MTCH1: variants seen among roughly 807,000 people sequenced by gnomAD.
The protein encoded by MTCH1 is mitochondrial carrier homolog 1.
In MTCH1, 23 loss-of-function variants were observed where a neutral mutation model predicts 49.3. That is an observed-to-expected ratio of 0.47 (90% CI 0.34 to 0.66). The LOEUF (loss-of-function observed/expected upper bound fraction) is 0.66, where lower values mean the gene tolerates loss of function less well. Ranked by LOEUF, MTCH1 falls within the 30% of genes least tolerant of loss-of-function variation. The pLI is 0.01. For synonymous variants in MTCH1, 229 were observed against 215.2 expected, an observed-to-expected ratio of 1.06 and a Z score of -0.56; for missense variants, 397 against 532.1, an observed-to-expected ratio of 0.75 and a Z score of 2.50.
intron 8 of MTCH1, among the ~76,000 whole-genome samples, chr6:36,971,520 G>A (rs1028131259): frequency 2.6e-5 from 4 of 151,758 alleles, no homozygotes; most frequent in Non-Finnish European, 4.4e-5. Context: ...GGGCAGAACT[G>A]CAGGAATGTA....
At chr6:36,970,539 C>A in intron 9 of MTCH1, 66 bp from the exon 10 acceptor site, 1 of 1,608,008 alleles carries the variant, frequency 6.2e-7, no homozygotes, top group Non-Finnish European at 8.5e-7. Flanking sequence ...ACACACCACG[C>A]CAACACCCTG....
chr6:36,981,784 A>G, intron 1 of MTCH1, 112 bp from the exon 2 acceptor site: 2 of 865,510 alleles, frequency 2.3e-6, no homozygotes, highest in Non-Finnish European at 3.5e-6. Context: ...CACAAATTCT[A>G]ATGTGGCTCT....
intron 4 of MTCH1, 58 bp downstream of exon 4, chr6:36,978,020 T>G: frequency 8.3e-6 from 12 of 1,453,284 alleles, no homozygotes; most frequent in Non-Finnish European, 1.2e-5. Context: ...AACTTGGGGG[T>G]GAGAAATCAT....
intron 11 of MTCH1, 37 bp from the exon 12 acceptor site, chr6:36,969,011 G>A (rs760072369): frequency 8.9e-5 from 144 of 1,610,130 alleles, no homozygotes; most frequent in Non-Finnish European, 1.2e-4. Context: ...GTGAAAGGGA[G>A]GCCACGCTTC....
At position 36,968,704 on chromosome 6, in the gene MTCH1, G is replaced by A. The variant is rs901047778; in HGVS notation, c.*199C>T. 1 of 826,444 alleles carries A rather than the reference G, an allele frequency of 1.2e-6. No homozygotes were observed. The highest frequency in any genetic ancestry group is 1.7e-5 in the African/African-American group (1 of 58,784). The allele number at this position is 826,444 out of a possible 1,614,324, so 51.2% of individuals were successfully genotyped here. ...CTCACCTTCCCTAGGTCTGCCGGGT[G>A]ACCCAATCCACTGGGTGCAGCCCCA... On this transcript the variant is annotated 3_prime_UTR_variant, in exon 12 of 12. Transcript: ENST00000373627.
chr6:36,981,552 T>C (rs1294505223), intron 2 of MTCH1, 36 bp downstream of exon 2: 2 of 1,602,654 alleles, frequency 1.2e-6, no homozygotes, highest in East Asian at 2.2e-5. Flanking sequence ...CTCTTTTCTG[T>C]TGGTGTGGGC....
chr6:36,981,110 T>A (rs769932651), intron 2 of MTCH1, among the ~76,000 whole-genome samples: 5 of 151,886 alleles, frequency 3.3e-5, no homozygotes, highest in African/African-American at 4.8e-5. Flanking sequence ...GACACCAGAG[T>A]GAGTGAGCAC....
At chr6:36,979,306 C>T (rs1263384733) in intron 2 of MTCH1, among the ~76,000 whole-genome samples, 1 of 152,210 alleles carries the variant, frequency 6.6e-6, no homozygotes, top group Admixed American at 6.5e-5. Flanking sequence ...TAGACCCTAC[C>T]TGTGTGAGTT....
chr6:36,969,892 T>G, intron 11 of MTCH1, 147 bp downstream of exon 11: 1 of 1,547,118 alleles, frequency 6.5e-7, no homozygotes, highest in Non-Finnish European at 8.7e-7. Flanking sequence ...AAAACTTAAA[T>G]GCCTTATAGA....
chr6:36,975,952 C>G (rs992039988), intron 6 of MTCH1, among the ~76,000 whole-genome samples: 1 of 152,162 alleles, frequency 6.6e-6, no homozygotes, highest in East Asian at 1.9e-4. Flanking sequence ...TGGGAGCAGC[C>G]CACTAGCAGT....
At chr6:36,980,544 C>T (rs928770106) in intron 2 of MTCH1, among the ~76,000 whole-genome samples, 5 of 152,256 alleles carry the variant, frequency 3.3e-5, no homozygotes, top group African/African-American at 1.2e-4. Flanking sequence ...CACATTCCAC[C>T]TGGCCCTAGA....
At position 36,975,675 on chromosome 6, in the gene MTCH1, C is replaced by T; in HGVS notation, c.744G>A (p.Gly248=). 1 of 1,614,134 alleles carries T rather than the reference C, an allele frequency of 6.2e-7. No homozygotes were observed. Residue 248 remains glycine (G), a synonymous_variant, in exon 7 of 12, where the codon GGG becomes GGA. Coordinates refer to ENST00000373627, the MANE Select transcript of MTCH1 (RefSeq NM_001271641.2). ...TCACGTACACGAAGAATCCCAGCAG[C>T]CCTTCCTCTTTGAAAATCTTCCCAA... is the stretch of plus-strand genomic sequence containing the variant. ...SSIGKIFKEE[G]LLGFFVGLIP...
chr6:36,978,068 C>G lies in MTCH1; in HGVS notation c.591+10G>C. ...CACGCACCTCTCCCTCTCCAACTCT[C>G]AACACCCACCTCCTTCACAACTTTC... On this transcript the variant is annotated intron_variant, in intron 4 of 11. Transcript: ENST00000373627. The G allele has an allele frequency of 6.2e-7, 1 of 1,607,780 alleles. No homozygotes were observed. Among genetic ancestry groups the G allele is most frequent in the East Asian group, 2.2e-5 (1 of 44,854 alleles).
At position 36,977,684 on chromosome 6, in the gene MTCH1, TAGG is replaced by T; in HGVS notation, c.596_598del (p.Ser199del). On this transcript the variant is annotated inframe_deletion, in exon 5 of 12. Coordinates refer to ENST00000373627, the MANE Select transcript of MTCH1 (RefSeq NM_001271641.2). This position sits in a 1 kb window ranked among gnomAD's most constrained non-coding sequence, Gnocchi z 5.4. ...GGACACACACTGCATCATCATCTCGTAGGAGGTCTGGAAGAGAGCATGGGGTGG... is the reference window on the plus strand; with the variant it reads ...GGACACACACTGCATCATCATCTCGTAGGTCTGGAAGAGAGCATGGGGTGG... The T allele has an allele frequency of 6.2e-7, 1 of 1,609,116 alleles. No homozygotes were observed. The highest frequency in any genetic ancestry group is 1.1e-5 in the South Asian group (1 of 90,016).
intron 8 of MTCH1, among the ~76,000 whole-genome samples, chr6:36,971,292 C>T (rs1015023598): frequency 2.0e-5 from 3 of 152,192 alleles, no homozygotes; most frequent in African/African-American, 7.2e-5. Flanking sequence ...TTTGACAGCC[C>T]GGCAGCCTCA....
chr6:36,978,149 G>A lies in MTCH1; in HGVS notation c.520C>T (p.Pro174Ser). Residue 174 changes from proline to serine, a missense_variant, in exon 4 of 12, where the codon CCT becomes TCT. By Grantham distance (74) the Pro-to-Ser change is moderately conservative (BLOSUM62 -1). Transcript: ENST00000373627. ...GAAACCTGCTCAATCTCATCTGGAG[G>A]GAAAACCTGAAACAGAGAAGGGAAA... ...VTRGSMKKVF[P>S]PDEIEQVSNK... The A allele has an allele frequency of 6.2e-7, 1 of 1,612,610 alleles. No individual in the cohort carries two copies. Among genetic ancestry groups the A allele is most frequent in the East Asian group, 2.2e-5 (1 of 44,880 alleles).
chr6:36,984,798 C>T (rs1335985679), intron 1 of MTCH1, among the ~76,000 whole-genome samples: 1 of 152,156 alleles, frequency 6.6e-6, no homozygotes, highest in Non-Finnish European at 1.5e-5. Context: ...TCCCTCTGTT[C>T]CAGAGACATC....
intron 11 of MTCH1, 144 bp from the exon 12 acceptor site, chr6:36,969,118 G>A (rs761125159): frequency 4.0e-5 from 58 of 1,437,974 alleles, no homozygotes; most frequent in Non-Finnish European, 5.0e-5. Flanking sequence ...TACATCCCTG[G>A]AGGGCAGAAT....
chr6:36,970,571 A>C, intron 9 of MTCH1, 76 bp downstream of exon 9: 2 of 1,608,270 alleles, frequency 1.2e-6, no homozygotes, highest in South Asian at 2.2e-5. Flanking sequence ...GCCTCCAGCC[A>C]TTACCAGGGT....
Sources: gnomAD v4.1 joint callset for allele counts (sites outside exome capture counted in the v4.1 genomes callset) on GRCh38, gnomAD v4.1.1 for gene constraint, Gnocchi (gnomAD v3.1) non-coding constraint, MANE v1.5 for transcripts, NCBI Gene and HGNC (gene_info 2026-07-23, HGNC 2026-07-21) for gene names.